Variants in ELMO1 observed in about 807,000 individuals in gnomAD.
The protein encoded by ELMO1 is engulfment and cell motility protein 1.
In ELMO1, 26 loss-of-function variants were observed where a neutral mutation model predicts 98.9. The observed-to-expected ratio is 0.26, with a 90% CI of 0.19 to 0.36. The LOEUF (loss-of-function observed/expected upper bound fraction) is 0.36, where lower values mean the gene tolerates loss of function less well. Among genes scored for constraint, ELMO1 ranks in the 10% least tolerant of loss-of-function variants. The pLI, the probability that ELMO1 is intolerant of heterozygous loss-of-function variation, is 1.00. For missense variants in ELMO1, 627 were observed against 935.2 expected, an observed-to-expected ratio of 0.67 and a Z score of 4.30; for synonymous variants, 346 against 346.0, an observed-to-expected ratio of 1.00 and a Z score of 0.00.
chr7:37,370,086 A>G (rs1032055417), intron 1 of ELMO1, among the ~76,000 whole-genome samples: 2 of 152,262 alleles, frequency 1.3e-5, no homozygotes, highest in African/African-American at 4.8e-5. Context: ...CTCTATGCTC[A>G]GGACACCACG....
At chr7:37,432,996 T>C (rs932405314) in intron 1 of ELMO1, among the ~76,000 whole-genome samples, 4 of 152,210 alleles carry the variant, frequency 2.6e-5, no homozygotes, top group African/African-American at 9.6e-5. Flanking sequence ...AGAGTGGATT[T>C]TGGCACAGTG....
chr7:37,252,960 A>T (rs376977177), intron 6 of ELMO1, among the ~76,000 whole-genome samples: 1 of 152,266 alleles, frequency 6.6e-6, no homozygotes, highest in Non-Finnish European at 1.5e-5. Context: ...TATGCGGCCA[A>T]CAAACACATG....
chr7:37,050,656 ACAC>A (rs1320868686), intron 15 of ELMO1, among the ~76,000 whole-genome samples: 70 of 149,944 alleles, frequency 4.7e-4, no homozygotes, highest in South Asian at 1.0e-3. Context: ...ACACACACAC[ACAC>A]AAAAGGTAAC....
intron 1 of ELMO1, among the ~76,000 whole-genome samples, chr7:37,409,381 G>T (rs764355273): frequency 3.3e-5 from 5 of 152,154 alleles, no homozygotes; most frequent in Admixed American, 6.5e-5. Context: ...GTACTGCTGT[G>T]TAACAAACTA....
At chr7:37,235,908 ACT>A (rs1233485366) in intron 7 of ELMO1, among the ~76,000 whole-genome samples, 1 of 152,194 alleles carries the variant, frequency 6.6e-6, no homozygotes, top group Non-Finnish European at 1.5e-5. Flanking sequence ...CGACAGAGTG[ACT>A]CTGTCTCGAA....
intron 1 of ELMO1, among the ~76,000 whole-genome samples, chr7:37,343,424 G>T (rs987602151): frequency 6.6e-6 from 1 of 151,290 alleles, no homozygotes; most frequent in Admixed American, 6.6e-5. Flanking sequence ...TGAATGAATC[G>T]TGCTTCTTAC....
intron 13 of ELMO1, among the ~76,000 whole-genome samples, chr7:37,149,081 A>C (rs956304870): frequency 3.3e-5 from 5 of 152,156 alleles, no homozygotes; most frequent in African/African-American, 7.2e-5. Flanking sequence ...GGGAGGGGAA[A>C]CCTCTCTGCC....
intron 2 of ELMO1, among the ~76,000 whole-genome samples, chr7:37,319,547 G>C (rs867973364): frequency 2.0e-5 from 3 of 152,004 alleles, no homozygotes; most frequent in African/African-American, 7.3e-5. Flanking sequence ...CTGAGTACCA[G>C]CCCATCATTA....
chr7:36,945,875 C>T (rs1182010000), intron 16 of ELMO1, among the ~76,000 whole-genome samples: 4 of 152,218 alleles, frequency 2.6e-5, no homozygotes, highest in Non-Finnish European at 5.9e-5. Context: ...AACACATCCC[C>T]AGATCAGACA....
intron 15 of ELMO1, among the ~76,000 whole-genome samples, chr7:37,087,080 A>T (rs1783828036): frequency 6.6e-6 from 1 of 152,222 alleles, no homozygotes; most frequent in Non-Finnish European, 1.5e-5. Context: ...ATTCCAAAGT[A>T]GTTTACATTT....
At chr7:37,222,097 G>T (rs926508956) in intron 10 of ELMO1, among the ~76,000 whole-genome samples, 2 of 152,146 alleles carry the variant, frequency 1.3e-5, no homozygotes, top group African/African-American at 4.8e-5. Flanking sequence ...TCTGACATAC[G>T]AATGCAGTTA....
intron 4 of ELMO1, among the ~76,000 whole-genome samples, chr7:37,291,186 C>A (rs116687205): frequency 6.6e-6 from 1 of 152,076 alleles, no homozygotes; most frequent in Non-Finnish European, 1.5e-5. Flanking sequence ...AAAATTAGAT[C>A]GCCATATAAT....
At position 36,870,611 on chromosome 7, in the gene ELMO1, A is replaced by C. The variant is rs982932396; in HGVS notation, c.1823-136T>G. 5.0e-6 allele frequency: 4 copies of C among 797,064 alleles called. No homozygotes were observed. The Admixed American group carries it at 1.3e-4, about 25-fold the overall frequency. 49.4% of individuals were successfully genotyped at this position (797,064 alleles called of 1,614,324 possible). On this transcript the variant is annotated intron_variant, in intron 19 of 21. Coordinates refer to ENST00000310758, the MANE Select transcript of ELMO1 (RefSeq NM_014800.11). This position sits in a 1 kb window ranked among gnomAD's most constrained non-coding sequence, Gnocchi z 4.4. ...ACTACTGCAAAAAGAAGAGTGTTGA[A>C]AAGAGGAAGAGAAGCCAGGTAGTGT...
Position 37,198,135 on chromosome 7 carries a change from T to C in ELMO1, c.1086+13251A>G, listed in dbSNP as rs1792078783. On this transcript the variant is annotated intron_variant, in intron 13 of 21. Coordinates refer to ENST00000310758, the MANE Select transcript of ELMO1 (RefSeq NM_014800.11). ...AAATACAGAGCAAAAAATCCACCGC[T>C]TCCTTCACTAAAGAGGCTCTTTGAG... 2.6e-5 allele frequency among the ~76,000 whole-genome samples: 4 copies of C among 152,212 alleles called. No individual in the cohort carries two copies. The South Asian group carries it at 6.2e-4, about 24-fold the overall frequency.
At chr7:36,856,222 G>A (rs968059006) in intron 21 of ELMO1, among the ~76,000 whole-genome samples, 7 of 152,144 alleles carry the variant, frequency 4.6e-5, no homozygotes, top group African/African-American at 1.2e-4. Flanking sequence ...AGCTCATCTC[G>A]GCCTGTCCTG....
intron 2 of ELMO1, among the ~76,000 whole-genome samples, chr7:37,337,445 G>A (rs895025371): frequency 1.5e-4 from 22 of 151,706 alleles, no homozygotes; most frequent in Admixed American, 1.3e-3. Flanking sequence ...GTTAATGGGT[G>A]CAGCACACTA....
chr7:36,983,580 G>A (rs1054224617), intron 16 of ELMO1, among the ~76,000 whole-genome samples: 4 of 152,112 alleles, frequency 2.6e-5, no homozygotes, highest in Non-Finnish European at 4.4e-5. Flanking sequence ...ATATTTTGGC[G>A]ACTAAATTTC....
At chr7:36,945,508 T>TTTAGAA (rs1352029504) in intron 16 of ELMO1, among the ~76,000 whole-genome samples, 1 of 152,192 alleles carries the variant, frequency 6.6e-6, no homozygotes, top group African/African-American at 2.4e-5. Flanking sequence ...AGAACGATCA[T>TTTAGAA]TTAGAATGTC....
intron 4 of ELMO1, among the ~76,000 whole-genome samples, chr7:37,302,336 G>A (rs1328036996): frequency 6.6e-6 from 1 of 152,142 alleles, no homozygotes; most frequent in African/African-American, 2.4e-5. Context: ...GTGACTACTT[G>A]GAGAGATAAA....
Sources: allele counts gnomAD v4.1 joint callset (sites outside exome capture counted in the v4.1 genomes callset), GRCh38; gene constraint gnomAD v4.1.1; non-coding constraint Gnocchi (gnomAD v3.1); transcripts MANE v1.5; gene names NCBI Gene and HGNC (gene_info 2026-07-23, HGNC 2026-07-21).